The following MALRD1 variants were observed in gnomAD, a reference collection of about 807,000 sequenced individuals.
The protein encoded by MALRD1 is MAM and LDL-receptor class A domain-containing protein 1.
Under a neutral mutation model 242.1 loss-of-function variants are expected in MALRD1, and 247 were observed. The ratio of observed to expected loss-of-function variants is 1.02; its 90% CI spans 0.92 to 1.13. The LOEUF (loss-of-function observed/expected upper bound fraction) is 1.13. Ranked by LOEUF, MALRD1 falls within the 50% of genes most tolerant of loss-of-function variation. MALRD1 has a pLI of 0.00. For missense variants in MALRD1, 2,989 were observed against 2,533.1 expected (o/e 1.18, Z -3.86); for synonymous variants, 995 against 866.6 (o/e 1.15, Z -2.60).
At chr10:19,318,483 G>A (rs1842792054) in intron 21 of MALRD1, among the ~76,000 whole-genome samples, 1 of 148,464 alleles carries the variant, frequency 6.7e-6, no homozygotes, top group African/African-American at 2.5e-5. Flanking sequence ...GAATTCTGTT[G>A]GATTGGGGAA....
intron 38 of MALRD1, among the ~76,000 whole-genome samples, chr10:19,719,214 A>ATATGTGTG (rs1183007306): frequency 3.9e-5 from 1 of 25,872 alleles, no homozygotes; most frequent in African/African-American, 2.6e-4. Context: ...ATATATATAC[A>ATATGTGTG]CATACATACA....
Position 19,485,578 on chromosome 10 carries a change from C to A in MALRD1, c.5030-5939C>A, listed in dbSNP as rs368129891. On this transcript the variant is annotated intron_variant, in intron 29 of 39. Transcript: ENST00000454679. Reference sequence around the variant, plus strand: ...GAATGGCATGAACCAAGGAGGCGGACCTTGCAGTGAGCCCAGATCGCGCCA... The same window carrying A: ...GAATGGCATGAACCAAGGAGGCGGAACTTGCAGTGAGCCCAGATCGCGCCA... Among the ~76,000 whole-genome samples the A allele has an allele frequency of 1.9e-4, 29 of 151,532 alleles. 1 individual carries two copies. Among genetic ancestry groups the A allele is most frequent in the East Asian group, 1.6e-3 (8 of 5,130 alleles).
intron 28 of MALRD1, among the ~76,000 whole-genome samples, chr10:19,438,631 A>G (rs2496049): frequency 0.72 from 108,850 of 152,076 alleles, 39,084 homozygotes; most frequent in Non-Finnish European, 0.75. Context: ...GTGCACAAGA[A>G]TTCCTATTTC....
At chr10:19,312,865 G>A (rs968339788) in intron 21 of MALRD1, among the ~76,000 whole-genome samples, 2 of 151,486 alleles carry the variant, frequency 1.3e-5, no homozygotes, top group African/African-American at 4.8e-5. Context: ...TGTTAGACAT[G>A]AGTAGAAATG....
chr10:19,482,351 T>C (rs1276855214), intron 29 of MALRD1, among the ~76,000 whole-genome samples: 1 of 151,924 alleles, frequency 6.6e-6, no homozygotes, highest in Non-Finnish European at 1.5e-5. Flanking sequence ...CAAGGAAAAT[T>C]CATGTATTAA....
chr10:19,544,285 T>A (rs1835108128), intron 32 of MALRD1, among the ~76,000 whole-genome samples: 1 of 152,150 alleles, frequency 6.6e-6, no homozygotes, highest in Admixed American at 6.5e-5. Flanking sequence ...CCTCCTGGGC[T>A]CAGGCGATTC....
intron 14 of MALRD1, among the ~76,000 whole-genome samples, chr10:19,193,634 G>A (rs375390594): frequency 6.6e-6 from 1 of 152,102 alleles, no homozygotes; most frequent in East Asian, 1.9e-4. Context: ...CACTTGATTT[G>A]GGTTGTAAAA....
chr10:19,688,610 C>T (rs1041709247), intron 36 of MALRD1, among the ~76,000 whole-genome samples: 4 of 152,132 alleles, frequency 2.6e-5, no homozygotes, highest in Non-Finnish European at 5.9e-5. Context: ...ATAAGGGAGT[C>T]CACCAAGCTC....
chr10:19,691,499 G>A (rs1432022558), intron 36 of MALRD1, among the ~76,000 whole-genome samples: 1 of 152,044 alleles, frequency 6.6e-6, no homozygotes. Context: ...CTGTGAAGGT[G>A]GCAGGAAATT....
chr10:19,729,020 A>G (rs1835167387), intron 38 of MALRD1, among the ~76,000 whole-genome samples: 1 of 152,216 alleles, frequency 6.6e-6, no homozygotes, highest in African/African-American at 2.4e-5. Context: ...ATAATAACCC[A>G]CAAAATAGAT....
chr10:19,623,372 G>T (rs1348493929), intron 36 of MALRD1, among the ~76,000 whole-genome samples: 1 of 152,074 alleles, frequency 6.6e-6, no homozygotes, highest in East Asian at 1.9e-4. Context: ...AGAGAATGAT[G>T]CTGCTATTTA....
At chr10:19,449,709 G>A (rs1835214446) in intron 28 of MALRD1, among the ~76,000 whole-genome samples, 2 of 152,248 alleles carry the variant, frequency 1.3e-5, no homozygotes, top group Middle Eastern at 3.4e-3. Context: ...TTTTATAAAA[G>A]AGAAATGTAA....
chr10:19,416,296 C>T (rs1253985462), intron 28 of MALRD1, among the ~76,000 whole-genome samples: 1 of 152,168 alleles, frequency 6.6e-6, no homozygotes. Flanking sequence ...AGCCACAAAT[C>T]AGCATTTCCA....
At chr10:19,578,150 T>TG (rs946839205) in intron 33 of MALRD1, among the ~76,000 whole-genome samples, 2 of 151,922 alleles carry the variant, frequency 1.3e-5, no homozygotes, top group Non-Finnish European at 2.9e-5. Flanking sequence ...GAAAAGATTT[T>TG]TTTTCAAATA....
intron 31 of MALRD1, among the ~76,000 whole-genome samples, chr10:19,522,675 C>A (rs1833934367): frequency 6.6e-6 from 1 of 151,902 alleles, no homozygotes; most frequent in South Asian, 2.1e-4. Context: ...TATATGCTCC[C>A]AATAATCCAA....
chr10:19,296,888 T>C (rs1283376531), intron 21 of MALRD1, among the ~76,000 whole-genome samples: 1 of 151,876 alleles, frequency 6.6e-6, no homozygotes, highest in Non-Finnish European at 1.5e-5. Flanking sequence ...AGAATCAGTT[T>C]GTTTTTGTGT....
At chr10:19,114,083 TA>T (rs1836786845) in intron 5 of MALRD1, among the ~76,000 whole-genome samples, 1 of 152,216 alleles carries the variant, frequency 6.6e-6, no homozygotes, top group African/African-American at 2.4e-5. Flanking sequence ...AAAGCAGATT[TA>T]AATAAAATAT....
At chr10:19,176,848 G>C (rs1050875144) in intron 14 of MALRD1, among the ~76,000 whole-genome samples, 1 of 129,040 alleles carries the variant, frequency 7.7e-6, no homozygotes, top group Admixed American at 8.0e-5. Context: ...CTGTGTGTCT[G>C]TGTGTGTGCG....
intron 2 of MALRD1, among the ~76,000 whole-genome samples, chr10:19,068,361 C>A (rs1835043110): frequency 6.6e-6 from 1 of 151,714 alleles, no homozygotes; most frequent in Admixed American, 6.6e-5. Flanking sequence ...TAAAATGGGG[C>A]AATTCACACC....
Sources: gnomAD v4.1 joint callset for allele counts (sites outside exome capture counted in the v4.1 genomes callset) on GRCh38, gnomAD v4.1.1 for gene constraint, MANE v1.5 for transcripts, NCBI Gene and HGNC (gene_info 2026-07-23, HGNC 2026-07-21) for gene names.